PREX2: variants seen among roughly 807,000 people sequenced by gnomAD.
PREX2 encodes the protein phosphatidylinositol-3,4,5-trisphosphate dependent Rac exchange factor 2.
A neutral mutation model predicts 203.2 loss-of-function variants in PREX2; 107 were observed. The ratio of observed to expected loss-of-function variants is 0.53; its 90% CI spans 0.45 to 0.62. PREX2 has a LOEUF of 0.62. PREX2 is among the 20% of genes least tolerant of loss of function. The pLI, the probability that PREX2 is intolerant of heterozygous loss-of-function variation, is 0.00. For missense variants in PREX2, 1,777 were observed against 1,955.9 expected (o/e 0.91, Z 1.72); for synonymous variants, 672 against 663.6 (o/e 1.01, Z -0.19).
At chr8:68,223,941 G>T (rs1036852435) in intron 38 of PREX2, among the ~76,000 whole-genome samples, 1 of 152,196 alleles carries the variant, frequency 6.6e-6, no homozygotes, top group African/African-American at 2.4e-5. Context: ...TTCCAGAAAA[G>T]TGGTAACACA....
chr8:68,221,193 A>G (rs533041930), intron 38 of PREX2, among the ~76,000 whole-genome samples: 1 of 152,238 alleles, frequency 6.6e-6, no homozygotes, highest in Admixed American at 6.5e-5. Context: ...AAAGAACATG[A>G]TTTTATCCTT....
chr8:68,197,900 TAACTG>T (rs1296449067), intron 37 of PREX2, among the ~76,000 whole-genome samples: 1 of 151,782 alleles, frequency 6.6e-6, no homozygotes, highest in African/African-American at 2.4e-5. Context: ...ATACCACAGT[TAACTG>T]AACTATTAGT....
chr8:68,053,389 T>G, intron 9 of PREX2, 143 bp downstream of exon 9: 1 of 852,598 alleles, frequency 1.2e-6, no homozygotes. Flanking sequence ...ATTGCAGTTT[T>G]GACATTGAAA....
At chr8:67,963,262 A>G (rs1437793149) in intron 1 of PREX2, among the ~76,000 whole-genome samples, 1 of 152,010 alleles carries the variant, frequency 6.6e-6, no homozygotes, top group East Asian at 1.9e-4. Flanking sequence ...ATGGCAGGTG[A>G]TGGGGCAGCA....
intron 35 of PREX2, among the ~76,000 whole-genome samples, chr8:68,169,194 A>G (rs1811820011): frequency 6.6e-6 from 1 of 152,036 alleles, no homozygotes; most frequent in Admixed American, 6.6e-5. Flanking sequence ...TATTCTCAGA[A>G]GAAGAAGAGA....
chr8:68,030,645 T>A lies in PREX2; in HGVS notation c.692T>A (p.Ile231Asn). Reference protein sequence around the residue: ...LEVLEEWQSHIEGWEGSNITD... With the variant: ...LEVLEEWQSHNEGWEGSNITD... ...GTTTTAGAGGAATGGCAGTCTCACA[T>A]TGAAGGCTGGGAGGTACATTCACTT... is the stretch of plus-strand genomic sequence containing the variant. The change falls in exon 6 of 40, where the codon ATT becomes AAT. Residue 231 changes from isoleucine (I) to asparagine (N), a missense_variant. Physicochemically the swap from Ile to Asn is moderately radical, Grantham distance 149. Transcript: ENST00000288368. 1.2e-6 allele frequency: 2 copies of A among 1,613,502 alleles called. No individual in the cohort carries two copies. The highest frequency in any genetic ancestry group is 2.2e-5 in the South Asian group (2 of 91,048).
In PREX2 at chr8:68,236,439, G is replaced by A. The variant is rs1353989152; in HGVS notation, c.*5061G>A. ...TGTTTGATTTGAAAACCTTCGTGGT[G>A]TCTCTGTGTGTTATTGATCATCTGT... On this transcript the variant is annotated 3_prime_UTR_variant, in exon 40 of 40. Coordinates refer to ENST00000288368, the MANE Select transcript of PREX2 (RefSeq NM_024870.4). The A allele has an allele frequency of 6.6e-6, 1 of 152,152 alleles. No homozygotes were observed. The highest frequency in any genetic ancestry group is 1.5e-5 in the Non-Finnish European group (1 of 68,018). 9.4% of individuals were successfully genotyped at this position (152,152 alleles called of 1,614,324 possible).
chr8:68,229,573 G>A (rs1016966239), intron 39 of PREX2, among the ~76,000 whole-genome samples: 7 of 152,182 alleles, frequency 4.6e-5, no homozygotes, highest in African/African-American at 1.4e-4. Flanking sequence ...AATACCCAGA[G>A]CTACTATTTC....
At chr8:68,004,569 C>A (rs931768548) in intron 1 of PREX2, among the ~76,000 whole-genome samples, 1 of 152,124 alleles carries the variant, frequency 6.6e-6, no homozygotes, top group African/African-American at 2.4e-5. Flanking sequence ...ATAAAAGGAC[C>A]ATGTCAAATG....
intron 4 of PREX2, among the ~76,000 whole-genome samples, chr8:68,023,430 T>C (rs1807625651): frequency 6.6e-6 from 1 of 152,192 alleles, no homozygotes; most frequent in Non-Finnish European, 1.5e-5. Flanking sequence ...TCTCCTTTAG[T>C]GAAATGTTTA....
At chr8:68,182,748 T>C (rs1264838137) in intron 35 of PREX2, among the ~76,000 whole-genome samples, 2 of 151,920 alleles carry the variant, frequency 1.3e-5, no homozygotes, top group Non-Finnish European at 2.9e-5. Flanking sequence ...CCTTGCATTA[T>C]GGGATTGCAA....
chr8:68,120,148 T>G, intron 28 of PREX2, 48 bp from the exon 29 acceptor site: 1 of 1,218,104 alleles, frequency 8.2e-7, no homozygotes. Context: ...GAAATACGTA[T>G]CATGTACTAT....
At chr8:68,076,665 G>C (rs1265502365) in intron 14 of PREX2, among the ~76,000 whole-genome samples, 1 of 141,044 alleles carries the variant, frequency 7.1e-6, no homozygotes, top group African/African-American at 2.6e-5. Context: ...TGCTTGAACT[G>C]TAACAATACA....
intron 1 of PREX2, 151 bp downstream of exon 1, chr8:67,952,686 C>A: frequency 1.9e-6 from 2 of 1,078,612 alleles, no homozygotes; most frequent in Non-Finnish European, 2.7e-6. Flanking sequence ...GTGGACTCTG[C>A]GTTCGCGGGC....
At chr8:68,189,126 C>T (rs756690626) in intron 35 of PREX2, among the ~76,000 whole-genome samples, 24 of 152,174 alleles carry the variant, frequency 1.6e-4, no homozygotes, top group Non-Finnish European at 3.1e-4. Flanking sequence ...ACAAAATGCT[C>T]AGACTTGTTA....
intron 35 of PREX2, among the ~76,000 whole-genome samples, chr8:68,162,192 T>A (rs551074418): frequency 3.6e-4 from 55 of 152,202 alleles, no homozygotes; most frequent in African/African-American, 1.3e-3. Flanking sequence ...AGTTTTAACC[T>A]AGTCACTAAT....
chr8:68,220,299 C>T (rs1338255391), intron 38 of PREX2: 1 of 152,058 alleles, frequency 6.6e-6, no homozygotes, highest in South Asian at 2.1e-4. Flanking sequence ...ATTGTAACAA[C>T]CTTGGGCAGC....
intron 31 of PREX2, among the ~76,000 whole-genome samples, chr8:68,132,766 A>G (rs1418400718): frequency 6.6e-6 from 1 of 152,102 alleles, no homozygotes; most frequent in African/African-American, 2.4e-5. Flanking sequence ...TATTTAGTAC[A>G]CATTTGAGAG....
chr8:67,969,429 CTG>C (rs1286617780), intron 1 of PREX2, among the ~76,000 whole-genome samples: 2 of 152,084 alleles, frequency 1.3e-5, no homozygotes, highest in African/African-American at 4.8e-5. Flanking sequence ...CTGGCACTGA[CTG>C]TGTAGCTTTG....
Sources: gnomAD v4.1 joint callset for allele counts (sites outside exome capture counted in the v4.1 genomes callset) on GRCh38, gnomAD v4.1.1 for gene constraint, MANE v1.5 for transcripts, NCBI Gene and HGNC (gene_info 2026-07-23, HGNC 2026-07-21) for gene names.